Variants in SINHCAF observed in about 807,000 individuals in gnomAD.
SINHCAF encodes SIN3-HDAC complex associated factor.
A neutral mutation model predicts 25.8 loss-of-function variants in SINHCAF; 3 were observed. That is an observed-to-expected ratio of 0.12 (90% CI 0.05 to 0.30). The LOEUF is 0.30. SINHCAF is among the 10% of genes least tolerant of loss of function. SINHCAF has a pLI of 1.00. For missense variants in SINHCAF, 121 were observed against 262.3 expected (o/e 0.46, Z 3.72); for synonymous variants, 70 against 85.5 (o/e 0.82, Z 1.00).
chr12:31,289,800 GTTTTT>G (rs11303569), intron 4 of SINHCAF, among the ~76,000 whole-genome samples: 2 of 146,414 alleles, frequency 1.4e-5, no homozygotes, highest in Admixed American at 6.8e-5. Flanking sequence ...GAAAATTTGG[GTTTTT>G]TTTTTTTTTT....
intron 1 of SINHCAF, among the ~76,000 whole-genome samples, chr12:31,318,662 AAAG>A (rs1939589444): frequency 6.6e-6 from 1 of 152,150 alleles, no homozygotes. Context: ...AAAAAAAAAA[AAAG>A]AGAAACAAAA....
intron 1 of SINHCAF, among the ~76,000 whole-genome samples, chr12:31,301,241 C>T (rs956548524): frequency 6.6e-6 from 1 of 152,132 alleles, no homozygotes; most frequent in African/African-American, 2.4e-5. Flanking sequence ...CTGGTGGGGA[C>T]CTCCACAAAA....
At chr12:31,298,248 T>C (rs1463350322) in intron 1 of SINHCAF, 24 bp from the exon 2 acceptor site, 1 of 1,611,950 alleles carries the variant, frequency 6.2e-7, no homozygotes, top group Non-Finnish European at 8.5e-7. Context: ...GGAATTGACA[T>C]ATCTTTGTTG....
In SINHCAF at chr12:31,325,997, A is replaced by C. The variant is rs1265532833; in HGVS notation, c.-21+27T>G. The C allele has an allele frequency of 6.6e-6, 1 of 151,684 alleles. No individual in the cohort carries two copies. The highest frequency in any genetic ancestry group is 1.5e-5 in the Non-Finnish European group (1 of 67,990). The allele number at this position is 151,684 out of a possible 1,614,324, so 9.4% of individuals were successfully genotyped here. On this transcript the variant is annotated intron_variant, in intron 1 of 5. Transcript: ENST00000337682. The surrounding 1 kb of genome is among the most constrained non-coding windows in gnomAD (Gnocchi z 5.9). ...TCAAAGCCTCGTGAGACAGTTTTGC[A>C]CTAGAAGCATGGTGAGAGTCACTCA...
chr12:31,313,047 G>T (rs566099330), intron 1 of SINHCAF, among the ~76,000 whole-genome samples: 1 of 151,880 alleles, frequency 6.6e-6, no homozygotes, highest in African/African-American at 2.4e-5. Flanking sequence ...TTTTTGAGAC[G>T]CAGTTTTGCT....
chr12:31,313,361 A>C (rs1313150729), intron 1 of SINHCAF, among the ~76,000 whole-genome samples: 1 of 152,170 alleles, frequency 6.6e-6, no homozygotes, highest in Non-Finnish European at 1.5e-5. Context: ...CTGCAGTGGT[A>C]CTGCTGTCAT....
At chr12:31,309,183 G>A (rs1319971393) in intron 1 of SINHCAF, among the ~76,000 whole-genome samples, 3 of 149,956 alleles carry the variant, frequency 2.0e-5, no homozygotes, top group East Asian at 2.0e-4. Flanking sequence ...TGGTATGGCA[G>A]ACAGGTGTAT....
intron 1 of SINHCAF, chr12:31,311,682 G>A (rs1028514170): frequency 1.9e-5 from 9 of 469,230 alleles, no homozygotes; most frequent in Non-Finnish European, 3.7e-5. Flanking sequence ...CAATATTTTT[G>A]AAGTATGCAA....
chr12:31,310,667 G>A (rs1170982776), intron 1 of SINHCAF, among the ~76,000 whole-genome samples: 2 of 152,154 alleles, frequency 1.3e-5, no homozygotes, highest in African/African-American at 4.8e-5. Context: ...CACCTAGTCA[G>A]TCATGTGACA....
At chr12:31,294,559 G>A (rs778789551) in intron 3 of SINHCAF, among the ~76,000 whole-genome samples, 5 of 152,050 alleles carry the variant, frequency 3.3e-5, no homozygotes, top group Non-Finnish European at 5.9e-5. Context: ...CATTGATCTC[G>A]CCCCATATGG....
chr12:31,292,498 C>CA (rs199891087), intron 4 of SINHCAF, among the ~76,000 whole-genome samples: 4,342 of 122,278 alleles, frequency 0.036, 68 homozygotes, highest in African/African-American at 0.056. Flanking sequence ...GACCCTGTTT[C>CA]AAAAAAAAAA....
At chr12:31,294,830 T>C (rs1292906161) in intron 3 of SINHCAF, among the ~76,000 whole-genome samples, 1 of 152,158 alleles carries the variant, frequency 6.6e-6, no homozygotes, top group African/African-American at 2.4e-5. Context: ...AATCCACAAC[T>C]AGTAAGTGGT....
intron 1 of SINHCAF, among the ~76,000 whole-genome samples, chr12:31,309,086 C>A (rs901597612): frequency 4.1e-5 from 6 of 146,682 alleles, no homozygotes; most frequent in African/African-American, 1.5e-4. Flanking sequence ...TGAGATTGTG[C>A]CACTGTACTC....
chr12:31,281,851 G>C lies in SINHCAF; in HGVS notation c.*861C>G, dbSNP rs968628284. 10 of 152,140 alleles carry C rather than the reference G, an allele frequency of 6.6e-5. No homozygotes were observed. The highest frequency in any genetic ancestry group is 1.2e-4 in the Non-Finnish European group (8 of 68,036). 9.4% of individuals were successfully genotyped at this position (152,140 alleles called of 1,614,324 possible). A position where few individuals can be genotyped will look rare whatever the true frequency, so the allele number is the denominator to read the frequency against. On this transcript the variant is annotated 3_prime_UTR_variant, in exon 6 of 6. Transcript: ENST00000337682. ...GGAGGCACAGGATGCAACATATATA[G>C]TCAAGTTACCTCTCTGTATATTTAG...
At chr12:31,294,656 A>T (rs1938474709) in intron 3 of SINHCAF, among the ~76,000 whole-genome samples, 1 of 152,214 alleles carries the variant, frequency 6.6e-6, no homozygotes, top group Non-Finnish European at 1.5e-5. Context: ...CTTCAAAATC[A>T]TGACCTATTA....
In SINHCAF at chr12:31,281,384, T is replaced by A. The variant is rs534040877; in HGVS notation, c.*1328A>T. 1.4e-4 allele frequency: 21 copies of A among 152,320 alleles called. No homozygotes were observed. The highest frequency in any genetic ancestry group is 4.8e-4 in the African/African-American group (20 of 41,562). The allele number at this position is 152,320 out of a possible 1,614,324, so 9.4% of individuals were successfully genotyped here. A position where few individuals can be genotyped will look rare whatever the true frequency, so the allele number is the denominator to read the frequency against. The stretch of plus-strand genomic sequence containing the variant: ...CTCTTTTCTTTTAGTAAGTTTTACT[T>A]TTAATACAGAGTGAAAGAAAATAAA... On this transcript the variant is annotated 3_prime_UTR_variant, in exon 6 of 6. Coordinates refer to ENST00000337682, the MANE Select transcript of SINHCAF (RefSeq NM_001135812.2).
intron 5 of SINHCAF, among the ~76,000 whole-genome samples, chr12:31,283,711 A>C (rs1471634016): frequency 1.3e-5 from 2 of 152,072 alleles, no homozygotes; most frequent in Admixed American, 6.5e-5. Flanking sequence ...TTTCCTATGA[A>C]GCCCCCTGCA....
At chr12:31,301,269 G>A (rs918042653) in intron 1 of SINHCAF, among the ~76,000 whole-genome samples, 2 of 152,138 alleles carry the variant, frequency 1.3e-5, no homozygotes, top group East Asian at 1.9e-4. Flanking sequence ...AGCACCCCTA[G>A]CAAGACATTC....
rs1300964930 is a variant in SINHCAF, at chr12:31,295,353, A to T, written c.129-20T>A. On this transcript the variant is annotated intron_variant, in intron 2 of 5. Transcript: ENST00000337682. ...TGCAATCTGATAAGAAAACAATCAA[A>T]CCTTTATCAGTCTCCCTTACCTTAA... The T allele has an allele frequency of 6.6e-7, 1 of 1,504,782 alleles. No individual in the cohort carries two copies. The highest frequency in any genetic ancestry group is 9.2e-7 in the Non-Finnish European group (1 of 1,084,964). 93.2% of individuals were successfully genotyped at this position (1,504,782 alleles called of 1,614,324 possible). A position where few individuals can be genotyped will look rare whatever the true frequency, so the allele number is the denominator to read the frequency against.
Sources: gnomAD v4.1 joint callset for allele counts (sites outside exome capture counted in the v4.1 genomes callset) on GRCh38, gnomAD v4.1.1 for gene constraint, Gnocchi (gnomAD v3.1) non-coding constraint, MANE v1.5 for transcripts, NCBI Gene and HGNC (gene_info 2026-07-23, HGNC 2026-07-21) for gene names.